The following DEPTOR variants were observed in gnomAD, a reference collection of about 807,000 sequenced individuals.
DEPTOR encodes DEP domain containing MTOR interacting protein.
In DEPTOR, 41 loss-of-function variants were observed where a neutral mutation model predicts 41.6. The ratio of observed to expected loss-of-function variants is 0.98; its 90% confidence interval spans 0.77 to 1.28. The LOEUF (loss-of-function observed/expected upper bound fraction) is 1.28, where lower values mean the gene tolerates loss of function less well. Ranked by LOEUF, DEPTOR falls within the 50% of genes most tolerant of loss-of-function variation. The pLI, the probability that DEPTOR is intolerant of heterozygous loss-of-function variation, is 0.00. For missense variants in DEPTOR, 514 were observed against 527.9 expected (o/e 0.97, Z 0.26); for synonymous variants, 195 against 192.3 (o/e 1.01, Z -0.12).
intron 1 of DEPTOR, among the ~76,000 whole-genome samples, chr8:119,877,887 G>A (rs530542634): frequency 6.6e-6 from 1 of 152,236 alleles, no homozygotes; most frequent in Middle Eastern, 3.4e-3. Context: ...ACCTCCAGAT[G>A]TGAAATTGGG....
chr8:119,934,640 A>G (rs1160985441), intron 3 of DEPTOR, among the ~76,000 whole-genome samples: 3 of 152,246 alleles, frequency 2.0e-5, no homozygotes, highest in Non-Finnish European at 4.4e-5. Flanking sequence ...ACTGCTTGAC[A>G]TGGACTGAGA....
At chr8:120,011,756 A>C (rs1812533957) in intron 8 of DEPTOR, among the ~76,000 whole-genome samples, 1 of 152,060 alleles carries the variant, frequency 6.6e-6, no homozygotes, top group African/African-American at 2.4e-5. Context: ...TCATTAACTA[A>C]CTCTTTAACG....
intron 3 of DEPTOR, among the ~76,000 whole-genome samples, chr8:119,958,893 C>G (rs1443941746): frequency 2.0e-5 from 3 of 152,178 alleles, no homozygotes; most frequent in Non-Finnish European, 4.4e-5. Flanking sequence ...GACTCAGCAT[C>G]TGGATGGGAG....
At position 120,030,497 on chromosome 8, in the gene DEPTOR, G is replaced by GTTTTTTTTTTTTTTTTTTTTT. The variant is rs1171655489; in HGVS notation, c.1102-19071_1102-19051dup. Among the ~76,000 whole-genome samples the GTTTTTTTTTTTTTTTTTTTTT allele has an allele frequency of 1.4e-3, 66 of 46,216 alleles. 16 individuals are homozygous for GTTTTTTTTTTTTTTTTTTTTT. The highest frequency in any genetic ancestry group is 1.6e-3 in the Non-Finnish European group (44 of 26,952). The allele number at this position is 46,216 out of a possible 152,430, so 30.3% of individuals were successfully genotyped here. On this transcript the variant is annotated intron_variant, in intron 8 of 8. Transcript: ENST00000286234. ...AATGATGTATTGTGTAGGTTCATCA[G>GTTTTTTTTTTTTTTTTTTTTT]TTTTTTTTTTTTTTTTTTTTTTTTT...
intron 8 of DEPTOR, among the ~76,000 whole-genome samples, chr8:120,031,339 C>T (rs1293199214): frequency 4.6e-5 from 7 of 152,132 alleles, no homozygotes; most frequent in Non-Finnish European, 5.9e-5. Flanking sequence ...GTGGTGTGCA[C>T]CTGTAATCCC....
intron 4 of DEPTOR, among the ~76,000 whole-genome samples, chr8:119,981,843 C>A (rs1476222447): frequency 2.0e-5 from 3 of 151,408 alleles, no homozygotes; most frequent in African/African-American, 7.3e-5. Flanking sequence ...GGTGAAACCT[C>A]GTTCTACTAA....
intron 3 of DEPTOR, among the ~76,000 whole-genome samples, chr8:119,956,691 C>CT (rs758085640): frequency 0.024 from 2,339 of 97,462 alleles, 31 homozygotes; most frequent in African/African-American, 0.043. Context: ...CACAGGTCTC[C>CT]TTTTTTTTTT....
chr8:120,004,903 C>T (rs1460618504), intron 6 of DEPTOR, among the ~76,000 whole-genome samples: 1 of 152,016 alleles, frequency 6.6e-6, no homozygotes, highest in East Asian at 1.9e-4. Context: ...ATCTGAAATA[C>T]ACCAGGATAT....
intron 3 of DEPTOR, among the ~76,000 whole-genome samples, chr8:119,932,193 C>T (rs1221130673): frequency 6.6e-6 from 1 of 151,746 alleles, no homozygotes; most frequent in African/African-American, 2.4e-5. Context: ...TTATGTTGTT[C>T]AGGCTGATAT....
intron 4 of DEPTOR, among the ~76,000 whole-genome samples, chr8:120,000,774 A>C (rs1160702523): frequency 6.6e-6 from 1 of 151,172 alleles, no homozygotes; most frequent in African/African-American, 2.4e-5. Flanking sequence ...CAAAATAAAA[A>C]GTTTTTAAAA....
chr8:120,008,182 TC>T (rs1314310362), intron 7 of DEPTOR, among the ~76,000 whole-genome samples: 3 of 152,194 alleles, frequency 2.0e-5, no homozygotes, highest in African/African-American at 7.2e-5. Context: ...CTTTTTCACT[TC>T]TTTTCCCCCC....
intron 4 of DEPTOR, among the ~76,000 whole-genome samples, chr8:119,988,174 T>C (rs1435273956): frequency 6.6e-6 from 1 of 152,212 alleles, no homozygotes; most frequent in Non-Finnish European, 1.5e-5. Context: ...GTCTGCGGGT[T>C]GTGAAGACTG....
chr8:119,998,249 C>A (rs1472444758), intron 4 of DEPTOR, among the ~76,000 whole-genome samples: 3 of 152,164 alleles, frequency 2.0e-5, no homozygotes, highest in African/African-American at 7.2e-5. Flanking sequence ...CCATGCCTGG[C>A]TAATTTTTGT....
chr8:120,012,783 C>T (rs1166843626), intron 8 of DEPTOR, among the ~76,000 whole-genome samples: 4 of 152,100 alleles, frequency 2.6e-5, no homozygotes, highest in Non-Finnish European at 1.5e-5. Context: ...GATCCGCCTG[C>T]CTCGGCCTCC....
intron 8 of DEPTOR, among the ~76,000 whole-genome samples, chr8:120,031,048 A>G (rs1812883265): frequency 6.6e-6 from 1 of 152,172 alleles, no homozygotes; most frequent in Non-Finnish European, 1.5e-5. Flanking sequence ...TAAAAATACT[A>G]GTGAGGCACA....
At chr8:120,038,118 A>T (rs1385003735) in intron 8 of DEPTOR, among the ~76,000 whole-genome samples, 1 of 150,592 alleles carries the variant, frequency 6.6e-6, no homozygotes, top group South Asian at 2.1e-4. Flanking sequence ...AACACAAAAA[A>T]ATTAGCCAGA....
chr8:119,946,590 C>G (rs1274083860), intron 3 of DEPTOR, among the ~76,000 whole-genome samples: 2 of 151,822 alleles, frequency 1.3e-5, no homozygotes, highest in African/African-American at 4.8e-5. Context: ...CAAAGTTAGC[C>G]GGGTGTGGTG....
At chr8:119,918,436 ACCTTTATTTATTTATTTATTTATT>A (rs754108337) in intron 1 of DEPTOR, among the ~76,000 whole-genome samples, 15 of 148,328 alleles carry the variant, frequency 1.0e-4, no homozygotes, top group African/African-American at 3.1e-4. Flanking sequence ...GGCATGGACC[ACCTTTATTTATTTATTTATTTATT>A]TATTTATTTA....
At chr8:119,939,129 G>A (rs112452224) in intron 3 of DEPTOR, among the ~76,000 whole-genome samples, 2,387 of 152,208 alleles carry the variant, frequency 0.016, 63 homozygotes, top group African/African-American at 0.055. Context: ...TCAACAAAAA[G>A]TTTATACTGT....
Sources: gnomAD v4.1 joint callset for allele counts (sites outside exome capture counted in the v4.1 genomes callset) on GRCh38, gnomAD v4.1.1 for gene constraint, MANE v1.5 for transcripts, NCBI Gene and HGNC (gene_info 2026-07-23, HGNC 2026-07-21) for gene names.